EML5: variants seen among roughly 807,000 people sequenced by gnomAD.
EML5 encodes the protein EMAP like 5, also known as echinoderm microtubule-associated protein-like 5.
In EML5, 120 loss-of-function variants were observed where a neutral mutation model predicts 250.0. The observed-to-expected ratio is 0.48, with a 90% CI of 0.41 to 0.56. The LOEUF is 0.56. Among genes scored for constraint, EML5 ranks in the 20% least tolerant of loss-of-function variants. EML5 has a pLI of 0.00. For synonymous variants in EML5, 771 were observed against 806.5 expected (o/e 0.96, Z 0.75); for missense variants, 2,006 against 2,437.6 (o/e 0.82, Z 3.73).
In EML5 at chr14:88,614,866, T is replaced by G. The variant is rs1055822601; in HGVS notation, c.*952A>C. 6.6e-6 allele frequency: 1 copy of G among 152,180 alleles called. No individual in the cohort carries two copies. Among genetic ancestry groups the G allele is most frequent in the African/African-American group, 2.4e-5 (1 of 41,464 alleles). 9.4% of individuals were successfully genotyped at this position (152,180 alleles called of 1,614,324 possible). On this transcript the variant is annotated 3_prime_UTR_variant, in exon 44 of 44. Transcript: ENST00000554922. ...CACACATCTAAACAAATTTTCCCAATAGAAAAAAGGCTATAAAAATTTTAT... is the reference window on the plus strand; with the variant it reads ...CACACATCTAAACAAATTTTCCCAAGAGAAAAAAGGCTATAAAAATTTTAT...
intron 7 of EML5, 143 bp from the exon 8 acceptor site, chr14:88,726,821 G>A: frequency 1.5e-6 from 1 of 664,922 alleles, no homozygotes; most frequent in Non-Finnish European, 2.4e-6. Flanking sequence ...TCTTATCTAT[G>A]AAAATGGGAA....
At chr14:88,630,643 C>A (rs759434040) in intron 33 of EML5, among the ~76,000 whole-genome samples, 2 of 152,162 alleles carry the variant, frequency 1.3e-5, no homozygotes, top group African/African-American at 2.4e-5. Context: ...ACATGGTATT[C>A]CCCTAGTATC....
At chr14:88,703,823 T>C (rs567988694) in intron 13 of EML5, among the ~76,000 whole-genome samples, 1 of 152,306 alleles carries the variant, frequency 6.6e-6, no homozygotes, top group South Asian at 2.1e-4. Context: ...GAAGTCACAA[T>C]ATCATTCCAA....
At chr14:88,682,603 C>A (rs1173056946) in intron 20 of EML5, among the ~76,000 whole-genome samples, 1 of 152,126 alleles carries the variant, frequency 6.6e-6, no homozygotes, top group African/African-American at 2.4e-5. Context: ...CAACCAAGAA[C>A]ACTAGGCTCT....
Position 88,627,753 on chromosome 14 carries a change from T to C in EML5, c.4424A>G (p.Tyr1475Cys). ...NKQTLSILRC[Y>C]HSKGVCSVSF... is the part of the protein sequence containing the mutation. ...GACTGAACATACTCCCTTTGAATGG[T>C]AGCATCTTAGGATAGATAAAGTCTG... The change falls in exon 34 of 44, where the codon TAC (tyrosine) becomes TGC (cysteine). Residue 1475 changes from tyrosine (Y) to cysteine (C), a missense_variant. Physicochemically the swap from Tyr to Cys is radical, Grantham distance 194 (BLOSUM62 -2). Around this residue, in one of 7 missense-constraint regions of EML5, gnomAD observed 1,375 missense variants for 1,590.3 expected, o/e 0.86. Coordinates refer to ENST00000554922, the MANE Select transcript of EML5 (RefSeq NM_183387.3). The C allele has an allele frequency of 6.2e-7, 1 of 1,612,270 alleles. No homozygotes were observed. The highest frequency in any genetic ancestry group is 8.5e-7 in the Non-Finnish European group (1 of 1,179,154).
At chr14:88,674,430 G>T (rs2092547620) in intron 21 of EML5, among the ~76,000 whole-genome samples, 1 of 152,194 alleles carries the variant, frequency 6.6e-6, no homozygotes, top group Non-Finnish European at 1.5e-5. Flanking sequence ...TCACAGGGCA[G>T]CAGGATGGAG....
chr14:88,636,191 G>C (rs1272033721), intron 32 of EML5, among the ~76,000 whole-genome samples: 2 of 152,128 alleles, frequency 1.3e-5, no homozygotes, highest in Admixed American at 1.3e-4. Flanking sequence ...CAGAGAAAAG[G>C]CTCATGCAGG....
intron 1 of EML5, among the ~76,000 whole-genome samples, chr14:88,774,882 T>C (rs1335236835): frequency 6.6e-6 from 1 of 152,232 alleles, no homozygotes; most frequent in Non-Finnish European, 1.5e-5. Flanking sequence ...AACAGCCTAA[T>C]TTAAAACCCC....
intron 29 of EML5, among the ~76,000 whole-genome samples, chr14:88,645,871 G>T (rs1185174160): frequency 6.6e-6 from 1 of 152,060 alleles, no homozygotes; most frequent in Non-Finnish European, 1.5e-5. Context: ...CTCTGTTCAG[G>T]ATCTATTTAT....
intron 18 of EML5, 62 bp from the exon 19 acceptor site, chr14:88,687,389 TTTCC>T: frequency 8.6e-7 from 1 of 1,166,516 alleles, no homozygotes; most frequent in Non-Finnish European, 1.2e-6. Context: ...TAGTAACCTT[TTTCC>T]TTATATTGAA....
intron 27 of EML5, among the ~76,000 whole-genome samples, chr14:88,651,360 A>G (rs538454338): frequency 7.9e-5 from 12 of 152,220 alleles, no homozygotes; most frequent in Non-Finnish European, 1.6e-4. Flanking sequence ...ACAAGCTAAC[A>G]TCAAAGATTT....
At chr14:88,705,403 A>C in intron 12 of EML5, 79 bp downstream of exon 12, 1 of 1,030,862 alleles carries the variant, frequency 9.7e-7, no homozygotes, top group Admixed American at 2.1e-5. Context: ...ACAAAAGATA[A>C]CAACAGATGA....
At chr14:88,656,707 T>C (rs2091885838) in intron 27 of EML5, among the ~76,000 whole-genome samples, 1 of 151,914 alleles carries the variant, frequency 6.6e-6, no homozygotes, top group Non-Finnish European at 1.5e-5. Flanking sequence ...ATAATTCCCA[T>C]TAAAGACAAC....
At chr14:88,730,928 T>C (rs2093746459) in intron 7 of EML5, among the ~76,000 whole-genome samples, 1 of 152,134 alleles carries the variant, frequency 6.6e-6, no homozygotes, top group South Asian at 2.1e-4. Context: ...AGCACGTACT[T>C]AGTGAAGAAA....
At chr14:88,696,647 T>C (rs2141352457) in intron 15 of EML5, among the ~76,000 whole-genome samples, 200 bp downstream of exon 15, 1 of 152,332 alleles carries the variant, frequency 6.6e-6, no homozygotes, top group South Asian at 2.1e-4. Context: ...ATTAAAACTA[T>C]ACTCATTAAG....
At chr14:88,707,686 C>A (rs2139797328) in intron 10 of EML5, among the ~76,000 whole-genome samples, 1 of 152,216 alleles carries the variant, frequency 6.6e-6, no homozygotes, top group East Asian at 1.9e-4. Context: ...AATCAAAACT[C>A]ATCTAAAGTT....
chr14:88,726,806 G>A, intron 7 of EML5, 128 bp from the exon 8 acceptor site: 1 of 663,780 alleles, frequency 1.5e-6, no homozygotes, highest in Non-Finnish European at 2.4e-6. Context: ...TGTGTGGCAA[G>A]AAATTCTTAT....
Position 88,792,265 on chromosome 14 carries a change from G to T in EML5, c.197+42C>A. 6.5e-7 allele frequency: 1 copy of T among 1,531,522 alleles called. No homozygotes were observed. 94.9% of individuals were successfully genotyped at this position (1,531,522 alleles called of 1,614,324 possible). On this transcript the variant is annotated intron_variant, in intron 1 of 43. Coordinates refer to ENST00000554922, the MANE Select transcript of EML5 (RefSeq NM_183387.3). The surrounding 1 kb of genome is among the most constrained non-coding windows in gnomAD (Gnocchi z 6.9). Reference sequence around the variant, plus strand: ...GAACCCGCGGGTGCAAACTCCGGGAGCGGCTTGCAGGGTGACGGCGGCGGC... The same window carrying T: ...GAACCCGCGGGTGCAAACTCCGGGATCGGCTTGCAGGGTGACGGCGGCGGC...
At chr14:88,665,111 A>G (rs2092267659) in intron 22 of EML5, among the ~76,000 whole-genome samples, 1 of 152,198 alleles carries the variant, frequency 6.6e-6, no homozygotes, top group Admixed American at 6.5e-5. Flanking sequence ...AAGCTCAGAG[A>G]AGCATCCTGG....
Sources: gnomAD v4.1 joint callset for allele counts (sites outside exome capture counted in the v4.1 genomes callset) on GRCh38, gnomAD v4.1.1 for gene constraint, gnomAD v4.1.1 regional missense constraint, Gnocchi (gnomAD v3.1) non-coding constraint, MANE v1.5 for transcripts, NCBI Gene and HGNC (gene_info 2026-07-23, HGNC 2026-07-21) for gene names.